The following GRM1 variants were observed in gnomAD, a reference collection of about 807,000 sequenced individuals.
GRM1 encodes glutamate metabotropic receptor 1.
Under a neutral mutation model 90.9 loss-of-function variants are expected in GRM1, and 33 were observed. That is an observed-to-expected ratio of 0.36 (90% CI 0.28 to 0.49). GRM1 has a LOEUF of 0.49. Ranked by LOEUF, GRM1 falls within the 20% of genes least tolerant of loss-of-function variation. The probability of loss-of-function intolerance (pLI) is 0.99; values close to 1 mark genes in which losing one functional copy is unlikely to be tolerated. For synonymous variants in GRM1, 700 were observed against 613.2 expected, an observed-to-expected ratio of 1.14 and a Z score of -2.09; for missense variants, 1,190 against 1,534.3, an observed-to-expected ratio of 0.78 and a Z score of 3.75.
rs145187353 is a variant in GRM1, at chr6:146,157,722, G to A, written c.701-1626G>A. Among the ~76,000 whole-genome samples the A allele has an allele frequency of 2.8e-3, 426 of 152,176 alleles. 3 individuals carry two copies. Among genetic ancestry groups the A allele is most frequent in the African/African-American group, 9.3e-3 (386 of 41,532 alleles). The stretch of plus-strand genomic sequence containing the variant: ...CAAAAAGTGATGGGATCTAGTGTCC[G>A]TGAGCAGGAGTTGGCTCTAACCTAA... On this transcript the variant is annotated intron_variant, in intron 1 of 7. Transcript: ENST00000282753.
intron 2 of GRM1, among the ~76,000 whole-genome samples, chr6:146,268,248 A>G (rs1781992234): frequency 6.6e-6 from 1 of 152,242 alleles, no homozygotes; most frequent in Non-Finnish European, 1.5e-5. Context: ...AAAAATGTTA[A>G]GCCCCCGACC....
rs149403267 is a variant in GRM1, at chr6:146,434,584, G to T, written c.3373G>T (p.Glu1125Ter). ...REGNTEEDEL[E>*]EEEEDLQAAS... is the part of the protein sequence containing the mutation. ...AGGGAACACGGAAGAAGACGAACTGGAAGAGGAGGAGGAGGACCTGCAGGC... is the reference window on the plus strand; with the variant it reads ...AGGGAACACGGAAGAAGACGAACTGTAAGAGGAGGAGGAGGACCTGCAGGC... Residue 1125 changes from glutamate (E) to a stop codon, truncating the protein, a stop_gained, in exon 8 of 8, where the codon GAA becomes TAA. Transcript: ENST00000282753. LOFTEE classifies it high-confidence loss of function. The T allele has an allele frequency of 1.2e-6, 2 of 1,613,870 alleles. No individual in the cohort carries two copies. The highest frequency in any genetic ancestry group is 1.3e-5 in the African/African-American group (1 of 74,948).
intron 2 of GRM1, among the ~76,000 whole-genome samples, chr6:146,217,240 C>A (rs1779904870): frequency 6.6e-6 from 1 of 152,130 alleles, no homozygotes; most frequent in Non-Finnish European, 1.5e-5. Context: ...AGAATACCTA[C>A]TAGAATAAGT....
intron 1 of GRM1, among the ~76,000 whole-genome samples, chr6:146,158,115 C>T (rs750059440): frequency 1.3e-5 from 2 of 152,094 alleles, no homozygotes; most frequent in African/African-American, 2.4e-5. Context: ...TAAAACCATT[C>T]AGCAAGGTTG....
rs1399996455 is a variant in GRM1 at position 146,434,786 on chromosome 6, C to T, written c.3575C>T (p.Ser1192Phe). The T allele has an allele frequency of 3.1e-6, 5 of 1,598,626 alleles. 1 individual carries two copies. In the South Asian group the frequency reaches 5.5e-5, roughly 18 times the overall value. ...VILRDYKQSS[S>F]TL is the part of the protein sequence containing the mutation. Reference sequence around the variant, plus strand: ...CTGCGGGACTACAAGCAAAGCTCTTCCACCCTGTAAGGGGGAAGGGTCCAC... The same window carrying T: ...CTGCGGGACTACAAGCAAAGCTCTTTCACCCTGTAAGGGGGAAGGGTCCAC... The change falls in exon 8 of 8, where the codon TCC (serine) becomes TTC (phenylalanine). Residue 1192 changes from serine to phenylalanine, a missense_variant. Coordinates refer to ENST00000282753, the MANE Select transcript of GRM1 (RefSeq NM_001278064.2).
chr6:146,175,774 C>T (rs1452015525), intron 2 of GRM1, among the ~76,000 whole-genome samples: 1 of 151,934 alleles, frequency 6.6e-6, no homozygotes, highest in African/African-American at 2.4e-5. Context: ...ATATGCTATA[C>T]CTTACTAGCC....
chr6:146,122,174 A>T (rs923979900), intron 1 of GRM1, among the ~76,000 whole-genome samples: 5 of 152,294 alleles, frequency 3.3e-5, no homozygotes, highest in African/African-American at 1.2e-4. Flanking sequence ...TTTTGTCTAG[A>T]TAAAAATCTT....
intron 1 of GRM1, among the ~76,000 whole-genome samples, chr6:146,128,603 T>C (rs1583042277): frequency 6.6e-6 from 1 of 152,322 alleles, no homozygotes; most frequent in South Asian, 2.1e-4. Context: ...AAAAATGCTT[T>C]GTGAATTCTA....
At chr6:146,326,113 A>G (rs1784390372) in intron 3 of GRM1, among the ~76,000 whole-genome samples, 1 of 152,188 alleles carries the variant, frequency 6.6e-6, no homozygotes, top group African/African-American at 2.4e-5. Flanking sequence ...CAAAAATAGA[A>G]ACAAAAGTTA....
chr6:146,224,098 C>T (rs1477007191), intron 2 of GRM1, among the ~76,000 whole-genome samples: 1 of 151,950 alleles, frequency 6.6e-6, no homozygotes, highest in Non-Finnish European at 1.5e-5. Flanking sequence ...GTGGTGTCAT[C>T]GGCCAAGAAA....
At chr6:146,131,941 T>A (rs1776414626) in intron 1 of GRM1, among the ~76,000 whole-genome samples, 1 of 152,146 alleles carries the variant, frequency 6.6e-6, no homozygotes, top group South Asian at 2.1e-4. Flanking sequence ...GAGACAGAGC[T>A]GAAACCTGGA....
intron 1 of GRM1, among the ~76,000 whole-genome samples, chr6:146,112,651 T>C (rs1775602155): frequency 6.6e-6 from 1 of 152,124 alleles, no homozygotes; most frequent in African/African-American, 2.4e-5. Flanking sequence ...AGTAGGAAGA[T>C]TTTTATATTT....
chr6:146,385,187 A>G (rs1776457588), intron 5 of GRM1, among the ~76,000 whole-genome samples: 1 of 152,122 alleles, frequency 6.6e-6, no homozygotes, highest in African/African-American at 2.4e-5. Flanking sequence ...AGAAGTCATT[A>G]CAATTAAGTT....
At chr6:146,364,943 T>C (rs1229023202) in intron 5 of GRM1, 3 of 152,288 alleles carry the variant, frequency 2.0e-5, no homozygotes, top group Non-Finnish European at 4.4e-5. Flanking sequence ...CCACCTCAGC[T>C]TTTTTCCCTC....
intron 2 of GRM1, among the ~76,000 whole-genome samples, chr6:146,272,575 C>T (rs1782205391): frequency 6.6e-6 from 1 of 152,084 alleles, no homozygotes; most frequent in African/African-American, 2.4e-5. Flanking sequence ...CAATACAGTA[C>T]ATTAGGAACA....
At chr6:146,090,832 C>T (rs1562457234) in intron 1 of GRM1, among the ~76,000 whole-genome samples, 3 of 152,028 alleles carry the variant, frequency 2.0e-5, no homozygotes, top group South Asian at 2.1e-4. Context: ...CACATTCTGG[C>T]CCATGGTTTA....
At chr6:146,145,564 G>A (rs965966330) in intron 1 of GRM1, among the ~76,000 whole-genome samples, 7 of 152,144 alleles carry the variant, frequency 4.6e-5, no homozygotes, top group African/African-American at 1.4e-4. Context: ...CTTTGGTGGC[G>A]TCCACATGGT....
intron 2 of GRM1, among the ~76,000 whole-genome samples, chr6:146,236,213 A>G (rs537602795): frequency 3.2e-4 from 48 of 152,292 alleles, no homozygotes; most frequent in African/African-American, 1.1e-3. Context: ...TAAAAATGCA[A>G]CATATCCAAA....
intron 1 of GRM1, among the ~76,000 whole-genome samples, chr6:146,044,803 G>T (rs754308496): frequency 6.6e-6 from 1 of 151,816 alleles, no homozygotes; most frequent in Non-Finnish European, 1.5e-5. Context: ...AAAAAAAATC[G>T]AGTGAGTGAT....
Sources: gnomAD v4.1 joint callset for allele counts (sites outside exome capture counted in the v4.1 genomes callset) on GRCh38, gnomAD v4.1.1 for gene constraint, MANE v1.5 for transcripts, NCBI Gene and HGNC (gene_info 2026-07-23, HGNC 2026-07-21) for gene names.